The following CSMD1 variants were observed in gnomAD, a reference collection of about 807,000 sequenced individuals.
The protein encoded by CSMD1 is CUB and sushi domain-containing protein 1.
In CSMD1, 213 loss-of-function variants were observed where a neutral mutation model predicts 417.5. That is an observed-to-expected ratio of 0.51 (90% CI 0.46 to 0.57). The LOEUF is 0.57. CSMD1 is among the 20% of genes least tolerant of loss of function. The pLI, the probability that CSMD1 is intolerant of heterozygous loss-of-function variation, is 0.00. For synonymous variants in CSMD1, 2,862 were observed against 1,736.8 expected, an observed-to-expected ratio of 1.65 and a Z score of -16.11; for missense variants, 6,923 against 4,529.7, an observed-to-expected ratio of 1.53 and a Z score of -15.17.
rs1228047086 is a variant in CSMD1, at chr8:3,764,735, CTTTCTTTTTT to C, written c.819-10703_819-10694del. On this transcript the variant is annotated intron_variant, in intron 5 of 69. Coordinates refer to ENST00000635120, the MANE Select transcript of CSMD1 (RefSeq NM_033225.6). ...CTAAATCACAGCACTGCCCTTTTCTCTTTCTTTTTTTTTTTTTTTTTTTTATTTTGAGAGA... is the reference window on the plus strand; with the variant it reads ...CTAAATCACAGCACTGCCCTTTTCTCTTTTTTTTTTTTTTATTTTGAGAGA... Among the ~76,000 whole-genome samples the C allele has an allele frequency of 2.3e-4, 24 of 105,402 alleles. 1 individual carries two copies. Among genetic ancestry groups the C allele is most frequent in the Admixed American group, 1.3e-4 (1 of 7,636 alleles). 69.1% of individuals were successfully genotyped at this position (105,402 alleles called of 152,430 possible).
At chr8:3,054,739 G>A (rs780108292) in intron 49 of CSMD1, among the ~76,000 whole-genome samples, 11 of 152,164 alleles carry the variant, frequency 7.2e-5, no homozygotes, top group Admixed American at 4.6e-4. Context: ...TGTGTGTATG[G>A]CATACTACAA....
chr8:4,849,561 A>T (rs1049685306), intron 1 of CSMD1, among the ~76,000 whole-genome samples: 3 of 152,214 alleles, frequency 2.0e-5, no homozygotes, highest in African/African-American at 7.2e-5. Context: ...CAAGTACTCT[A>T]TACAGGTGTA....
chr8:4,588,585 G>C (rs918052747), intron 2 of CSMD1, among the ~76,000 whole-genome samples: 3 of 151,914 alleles, frequency 2.0e-5, no homozygotes, highest in Non-Finnish European at 2.9e-5. Context: ...AGCAGATCGA[G>C]ACCATCCTGG....
chr8:4,843,845 G>A (rs539091233), intron 1 of CSMD1, among the ~76,000 whole-genome samples: 1 of 152,284 alleles, frequency 6.6e-6, no homozygotes, highest in South Asian at 2.1e-4. Context: ...GCTGAACCCT[G>A]AATTTGGAGT....
chr8:3,372,994 T>G (rs145313716), intron 18 of CSMD1, among the ~76,000 whole-genome samples: 2 of 152,298 alleles, frequency 1.3e-5, no homozygotes, highest in South Asian at 2.1e-4. Flanking sequence ...TTGGTATGAA[T>G]TGATGCAATA....
At chr8:4,704,180 G>C (rs889775605) in intron 1 of CSMD1, among the ~76,000 whole-genome samples, 1 of 152,172 alleles carries the variant, frequency 6.6e-6, no homozygotes, top group South Asian at 2.1e-4. Context: ...CTATTAACAC[G>C]TAAGTCAAAT....
chr8:3,995,638 T>C (rs374654239), intron 5 of CSMD1, among the ~76,000 whole-genome samples: 1 of 152,234 alleles, frequency 6.6e-6, no homozygotes, highest in African/African-American at 2.4e-5. Flanking sequence ...TCTTGTCCTC[T>C]GCATATCTCA....
At chr8:3,303,801 A>G (rs1042801964) in intron 25 of CSMD1, among the ~76,000 whole-genome samples, 6 of 152,236 alleles carry the variant, frequency 3.9e-5, no homozygotes, top group Admixed American at 2.6e-4. Flanking sequence ...ATAACTTTCA[A>G]TGGGGCTAAA....
At chr8:4,183,035 G>T (rs1056070585) in intron 3 of CSMD1, among the ~76,000 whole-genome samples, 3 of 152,154 alleles carry the variant, frequency 2.0e-5, no homozygotes, top group African/African-American at 7.2e-5. Context: ...GAAAGTACAC[G>T]TGATTGTGTT....
intron 1 of CSMD1, among the ~76,000 whole-genome samples, chr8:4,804,027 T>C (rs1033074789): frequency 6.6e-6 from 1 of 152,216 alleles, no homozygotes; most frequent in Non-Finnish European, 1.5e-5. Flanking sequence ...AAGCCACATC[T>C]TTTAAATGCC....
At chr8:4,759,490 G>A (rs1462345176) in intron 1 of CSMD1, among the ~76,000 whole-genome samples, 2 of 152,144 alleles carry the variant, frequency 1.3e-5, no homozygotes, top group Admixed American at 1.3e-4. Flanking sequence ...CTGGTTTGCT[G>A]CACCTATCAA....
At chr8:4,287,253 C>A (rs190261428) in intron 3 of CSMD1, among the ~76,000 whole-genome samples, 1 of 152,230 alleles carries the variant, frequency 6.6e-6, no homozygotes, top group East Asian at 1.9e-4. Flanking sequence ...AAAAGATTCC[C>A]CCTCACATTC....
At chr8:4,021,172 A>T (rs1027950412) in intron 4 of CSMD1, among the ~76,000 whole-genome samples, 15 of 152,228 alleles carry the variant, frequency 9.9e-5, no homozygotes, top group African/African-American at 2.7e-4. Flanking sequence ...AAATGTGGCT[A>T]GTCAGCATTG....
At chr8:3,052,715 G>T in intron 49 of CSMD1, 68 bp from the exon 50 acceptor site, 2 of 1,106,886 alleles carry the variant, frequency 1.8e-6, no homozygotes, top group Non-Finnish European at 1.2e-6. Context: ...TAAAACCATT[G>T]ATTGATTAAT....
intron 11 of CSMD1, among the ~76,000 whole-genome samples, chr8:3,492,935 C>T (rs1391941498): frequency 6.6e-6 from 1 of 152,030 alleles, no homozygotes; most frequent in Non-Finnish European, 1.5e-5. Context: ...GACTAGAAAG[C>T]ATCTGTACCT....
intron 3 of CSMD1, among the ~76,000 whole-genome samples, chr8:4,113,695 C>T (rs759005545): frequency 1.2e-3 from 190 of 152,236 alleles, no homozygotes; most frequent in South Asian, 3.3e-3. Flanking sequence ...TGAGCCACCG[C>T]GCCCAGCCAG....
intron 11 of CSMD1, among the ~76,000 whole-genome samples, chr8:3,482,529 T>A (rs1017863869): frequency 6.6e-6 from 1 of 152,138 alleles, no homozygotes; most frequent in African/African-American, 2.4e-5. Context: ...AAGCAAAAAC[T>A]GATAAAGCTA....
intron 7 of CSMD1, among the ~76,000 whole-genome samples, chr8:3,706,394 T>C (rs1171290125): frequency 1.3e-5 from 2 of 152,238 alleles, no homozygotes; most frequent in African/African-American, 4.8e-5. Flanking sequence ...GTCATACCTT[T>C]CTTTGGAATG....
intron 4 of CSMD1, among the ~76,000 whole-genome samples, chr8:4,018,635 C>CA (rs1409800089): frequency 2.0e-5 from 3 of 152,226 alleles, no homozygotes; most frequent in Non-Finnish European, 4.4e-5. Flanking sequence ...ACATGTTTCT[C>CA]AAGGAGAAAA....
Sources: allele counts gnomAD v4.1 joint callset (sites outside exome capture counted in the v4.1 genomes callset), GRCh38; gene constraint gnomAD v4.1.1; transcripts MANE v1.5; gene names NCBI Gene and HGNC (gene_info 2026-07-23, HGNC 2026-07-21).